Variants in MYO18A observed in about 807,000 individuals in gnomAD.
The protein encoded by MYO18A is myosin XVIIIA, also known as unconventional myosin-XVIIIa.
In MYO18A, 78 loss-of-function variants were observed where a neutral mutation model predicts 235.8. The ratio of observed to expected loss-of-function variants is 0.33; its 90% CI spans 0.28 to 0.40. MYO18A has a LOEUF of 0.40. Ranked by LOEUF, MYO18A falls within the 10% of genes least tolerant of loss-of-function variation. The pLI, the probability that MYO18A is intolerant of heterozygous loss-of-function variation, is 1.00. For synonymous variants in MYO18A, 977 were observed against 1,077.8 expected, an observed-to-expected ratio of 0.91 and a Z score of 1.83; for missense variants, 2,215 against 2,699.3, an observed-to-expected ratio of 0.82 and a Z score of 3.98.
intron 13 of MYO18A, 100 bp from the exon 14 acceptor site, chr17:29,115,199 T>C (rs930083789): frequency 3.5e-6 from 5 of 1,443,400 alleles, no homozygotes; most frequent in Non-Finnish European, 4.7e-6. Flanking sequence ...CCCAGGACCC[T>C]GGTGGGGAGG....
In MYO18A at chr17:29,120,864, A is replaced by G; in HGVS notation, c.1586-106T>C. On this transcript the variant is annotated intron_variant, in intron 6 of 41. Coordinates refer to ENST00000527372, the MANE Select transcript of MYO18A (RefSeq NM_078471.4). The surrounding 1 kb of genome is among the most constrained non-coding windows in gnomAD (Gnocchi z 4.2). Reference sequence around the variant, plus strand: ...AAGGCTTGGGGCCATTCAGACCAGAACTGCCCGTGGACAGAGGGGTTTCGG... The same window carrying G: ...AAGGCTTGGGGCCATTCAGACCAGAGCTGCCCGTGGACAGAGGGGTTTCGG... 1 of 1,563,756 alleles carries G rather than the reference A, an allele frequency of 6.4e-7. No homozygotes were observed. The highest frequency in any genetic ancestry group is 8.7e-7 in the Non-Finnish European group (1 of 1,150,112).
Position 29,074,466 on chromosome 17 carries a change from G to C in MYO18A, c.*304C>G. ...AGCTGAGAGGGAGGTCAACGTGCTGGCTCCATGCAGTGCCAGGCCACCTGC... is the reference window on the plus strand; with the variant it reads ...AGCTGAGAGGGAGGTCAACGTGCTGCCTCCATGCAGTGCCAGGCCACCTGC... On this transcript the variant is annotated 3_prime_UTR_variant, in exon 42 of 42. Transcript: ENST00000527372. This position sits in a 1 kb window ranked among gnomAD's most constrained non-coding sequence, Gnocchi z 4.4. 1 of 578,276 alleles carries C rather than the reference G, an allele frequency of 1.7e-6. No homozygotes were observed. Among genetic ancestry groups the C allele is most frequent in the South Asian group, 2.4e-5 (1 of 42,040 alleles). The allele number at this position is 578,276 out of a possible 1,614,324, so 35.8% of individuals were successfully genotyped here.
At position 29,140,195 on chromosome 17, in the gene MYO18A, G is replaced by T; in HGVS notation, c.1000-17942C>A. On this transcript the variant is annotated intron_variant, in intron 2 of 41. Transcript: ENST00000527372. This position sits in a 1 kb window ranked among gnomAD's most constrained non-coding sequence, Gnocchi z 4.2. ...CCCTTCTTACCAAGAAGCTCGGAGAGGAGCCCCAAGGCTGCCCCACCCCTC... is the reference window on the plus strand; with the variant it reads ...CCCTTCTTACCAAGAAGCTCGGAGATGAGCCCCAAGGCTGCCCCACCCCTC... 2.4e-6 allele frequency: 1 copy of T among 411,518 alleles called. No homozygotes were observed. The highest frequency in any genetic ancestry group is 3.8e-6 in the Non-Finnish European group (1 of 261,498). The allele number at this position is 411,518 out of a possible 1,614,324, so 25.5% of individuals were successfully genotyped here. A position where few individuals can be genotyped will look rare whatever the true frequency, so the allele number is the denominator to read the frequency against.
At chr17:29,096,133 A>G (rs2066513528) in intron 28 of MYO18A, among the ~76,000 whole-genome samples, 1 of 152,206 alleles carries the variant, frequency 6.6e-6, no homozygotes, top group Non-Finnish European at 1.5e-5. Flanking sequence ...ACCCCTTCAC[A>G]AAGGCAACCA....
In MYO18A at chr17:29,090,623, A is replaced by G; in HGVS notation, c.5305-8T>C. ...AGCCAGGTCCCGGGAAGCCTGGGAA[A>G]GGAATGAGAGCATCAGAAGCAGGAT... On this transcript the variant is annotated splice_polypyrimidine_tract_variant and splice_region_variant and intron_variant, in intron 35 of 41. Transcript: ENST00000527372. The G allele has an allele frequency of 6.3e-7, 1 of 1,596,072 alleles. No homozygotes were observed. The highest frequency in any genetic ancestry group is 8.5e-7 in the Non-Finnish European group (1 of 1,170,630).
intron 25 of MYO18A, 34 bp downstream of exon 25, chr17:29,098,071 C>T (rs1291175682): frequency 1.2e-6 from 2 of 1,608,684 alleles, no homozygotes; most frequent in Admixed American, 3.3e-5. Flanking sequence ...TGGCAGTCAC[C>T]AGCCTGCTGT....
intron 37 of MYO18A, among the ~76,000 whole-genome samples, chr17:29,089,016 A>G (rs970656395): frequency 2.0e-5 from 3 of 148,870 alleles, no homozygotes; most frequent in Admixed American, 6.7e-5. Context: ...ACTGCACTAC[A>G]GCCTGGGCAA....
chr17:29,129,993 C>T (rs1331101845), intron 2 of MYO18A, among the ~76,000 whole-genome samples: 2 of 152,188 alleles, frequency 1.3e-5, no homozygotes, highest in African/African-American at 4.8e-5. Context: ...ATCCCCCTTC[C>T]ATCATTAAGA....
intron 21 of MYO18A, 92 bp from the exon 22 acceptor site, chr17:29,099,854 C>T (rs1183662583): frequency 1.3e-5 from 19 of 1,519,202 alleles, no homozygotes; most frequent in Non-Finnish European, 1.6e-5. Context: ...AACAAGCAGG[C>T]CAGGGAGTAC....
chr17:29,124,013 A>C (rs2067260601), intron 2 of MYO18A, among the ~76,000 whole-genome samples: 1 of 151,784 alleles, frequency 6.6e-6, no homozygotes. Context: ...GCGCCACTGC[A>C]GTTCAGCCTG....
At chr17:29,163,054 G>A (rs767008915) in intron 2 of MYO18A, among the ~76,000 whole-genome samples, 2 of 152,240 alleles carry the variant, frequency 1.3e-5, no homozygotes, top group Non-Finnish European at 2.9e-5. Context: ...GCTCCCTGGG[G>A]ACAGGCAATG....
chr17:29,119,208 A>G, intron 8 of MYO18A, 127 bp downstream of exon 8: 2 of 664,896 alleles, frequency 3.0e-6, no homozygotes, highest in Non-Finnish European at 5.3e-6. Context: ...CACATAGCAG[A>G]CATGCACTGA....
At position 29,159,825 on chromosome 17, in the gene MYO18A, C is replaced by T. The variant is rs139742088; in HGVS notation, c.999+6117G>A. ...GCAAAAGGGCTCTCCTGTCCTTCTC[C>T]CAGATGCAGGCAACCCTGACTTGCC... On this transcript the variant is annotated intron_variant, in intron 2 of 41. Coordinates refer to ENST00000527372, the MANE Select transcript of MYO18A (RefSeq NM_078471.4). Among the ~76,000 whole-genome samples the T allele has an allele frequency of 2.6e-5, 4 of 152,346 alleles. No individual in the cohort carries two copies. In the East Asian group the frequency reaches 7.7e-4, roughly 29 times the overall value.
In MYO18A at chr17:29,093,986, C is replaced by T. The variant is rs1433496714; in HGVS notation, c.4815G>A (p.Gln1605=). 1 of 1,606,888 alleles carries T rather than the reference C, an allele frequency of 6.2e-7. No homozygotes were observed. The highest frequency in any genetic ancestry group is 8.5e-7 in the Non-Finnish European group (1 of 1,176,770). Residue 1605 remains glutamine (Q), a synonymous_variant, in exon 31 of 42, where the codon CAG becomes CAA. Coordinates refer to ENST00000527372, the MANE Select transcript of MYO18A (RefSeq NM_078471.4). ...AAGTACTCAGATACCTTACCTTCTTCTGACACGACTGCCGGGCCTCCTCCA... is the reference window on the plus strand; with the variant it reads ...AAGTACTCAGATACCTTACCTTCTTTTGACACGACTGCCGGGCCTCCTCCA... ...EEVEEARQSC[Q]KKLKQMEVQL...
intron 41 of MYO18A, chr17:29,081,131 C>G (rs889036985): frequency 6.5e-6 from 3 of 460,872 alleles, no homozygotes; most frequent in African/African-American, 2.1e-5. Flanking sequence ...GGGAGGGAGG[C>G]GAAAGGAGGA....
intron 2 of MYO18A, among the ~76,000 whole-genome samples, chr17:29,151,901 C>G (rs925110562): frequency 6.6e-6 from 1 of 152,164 alleles, no homozygotes; most frequent in Non-Finnish European, 1.5e-5. Context: ...TAACTGGACA[C>G]CTCCCTGTGT....
At position 29,079,719 on chromosome 17, in the gene MYO18A, C is replaced by A. The variant is rs561185485; in HGVS notation, c.6020+2597G>T. ...CACCATGCTGAACCCAGGCCAGGTG[C>A]CACCTACTGCACTAGTCGCTCTCGG... On this transcript the variant is annotated intron_variant, in intron 41 of 41. Coordinates refer to ENST00000527372, the MANE Select transcript of MYO18A (RefSeq NM_078471.4). 3.5e-4 allele frequency: 342 copies of A among 986,056 alleles called. 4 individuals are homozygous for A. The African/African-American group carries it at 5.4e-3, about 16-fold the overall frequency. The allele number at this position is 986,056 out of a possible 1,614,324, so 61.1% of individuals were successfully genotyped here.
At chr17:29,082,062 A>T (rs995967936) in intron 41 of MYO18A, among the ~76,000 whole-genome samples, 1 of 152,226 alleles carries the variant, frequency 6.6e-6, no homozygotes, top group African/African-American at 2.4e-5. Flanking sequence ...GAATAAGTGG[A>T]GGTGACATTT....
Position 29,118,470 on chromosome 17 carries a change from C to T in MYO18A, c.1830-30G>A. The T allele has an allele frequency of 1.3e-6, 2 of 1,577,976 alleles. No individual in the cohort carries two copies. The highest frequency in any genetic ancestry group is 1.7e-6 in the Non-Finnish European group (2 of 1,152,540). The stretch of plus-strand genomic sequence containing the variant: ...GGGTACAAATAAGGCATCAGCACGG[C>T]ACTTGGTCCCCATGCCAAGGCCATT... On this transcript the variant is annotated intron_variant, in intron 8 of 41. Transcript: ENST00000527372. The surrounding 1 kb of genome is among the most constrained non-coding windows in gnomAD (Gnocchi z 4.2).
Sources: allele counts gnomAD v4.1 joint callset (sites outside exome capture counted in the v4.1 genomes callset), GRCh38; gene constraint gnomAD v4.1.1; non-coding constraint Gnocchi (gnomAD v3.1); transcripts MANE v1.5; gene names NCBI Gene and HGNC (gene_info 2026-07-23, HGNC 2026-07-21).